CSNK2A2IP: variants seen among roughly 807,000 people sequenced by gnomAD.
CSNK2A2IP encodes casein kinase 2 subunit alpha' interacting protein.
At chr3:88,413,994 AT>A in the CSNK2A2IP span, among the ~76,000 whole-genome samples, 1 of 151,764 alleles carries the variant, frequency 6.6e-6, no homozygotes, top group Non-Finnish European at 1.5e-5. Context: ...AAATAAAGAT[AT>A]TAAAATATTT....
At chr3:88,389,461 A>T in the CSNK2A2IP span, among the ~76,000 whole-genome samples, 1 of 152,068 alleles carries the variant, frequency 6.6e-6, no homozygotes, top group Admixed American at 6.6e-5. Flanking sequence ...GAGGTTGGAG[A>T]CTTCAGGGGT....
the CSNK2A2IP span, among the ~76,000 whole-genome samples, chr3:88,372,772 T>C: frequency 1.3e-5 from 2 of 151,372 alleles, no homozygotes; most frequent in African/African-American, 4.8e-5. Context: ...TATAAGTATG[T>C]TGAAAGTAAA....
At chr3:88,381,463 C>A in the CSNK2A2IP span, among the ~76,000 whole-genome samples, 1 of 152,084 alleles carries the variant, frequency 6.6e-6, no homozygotes, top group African/African-American at 2.4e-5. Flanking sequence ...ATATAAGGTA[C>A]TAACTATTAC....
At chr3:88,357,597 A>AT in the CSNK2A2IP span, among the ~76,000 whole-genome samples, 3 of 152,182 alleles carry the variant, frequency 2.0e-5, no homozygotes, top group African/African-American at 7.2e-5. Flanking sequence ...TAGGATTATT[A>AT]TTTTTTGATT....
At chr3:88,464,596 A>C in the CSNK2A2IP span, among the ~76,000 whole-genome samples, 1 of 152,066 alleles carries the variant, frequency 6.6e-6, no homozygotes, top group Non-Finnish European at 1.5e-5. Flanking sequence ...GTGACAAATA[A>C]GAACTAAAAA....
the CSNK2A2IP span, among the ~76,000 whole-genome samples, chr3:88,371,924 CAAT>C: frequency 1.3e-5 from 2 of 151,674 alleles, no homozygotes; most frequent in South Asian, 2.1e-4. Context: ...TAAAGAACAA[CAAT>C]GACAAAAAGA....
chr3:88,351,504 A>T, the CSNK2A2IP span, among the ~76,000 whole-genome samples: 36 of 152,196 alleles, frequency 2.4e-4, no homozygotes, highest in Non-Finnish European at 8.8e-5. Context: ...ATCCCATCCC[A>T]CTATCTAGTG....
the CSNK2A2IP span, chr3:88,466,725 G>C: frequency 9.5e-7 from 1 of 1,051,058 alleles, no homozygotes; most frequent in Non-Finnish European, 1.2e-6. Flanking sequence ...TGTTTAGAAG[G>C]ATGAGGGGAA....
chr3:88,375,701 G>T, the CSNK2A2IP span, among the ~76,000 whole-genome samples: 26 of 151,860 alleles, frequency 1.7e-4, no homozygotes, highest in Non-Finnish European at 3.0e-4. Flanking sequence ...AAGCTTACAT[G>T]AACAAGAGAA....
chr3:88,445,537 T>C, the CSNK2A2IP span, among the ~76,000 whole-genome samples: 2 of 152,298 alleles, frequency 1.3e-5, no homozygotes. Flanking sequence ...ATTGATTTAA[T>C]GGCTTTGAAA....
the CSNK2A2IP span, among the ~76,000 whole-genome samples, chr3:88,377,384 C>T: frequency 6.6e-6 from 1 of 151,656 alleles, no homozygotes; most frequent in Non-Finnish European, 1.5e-5. Flanking sequence ...CCTGTTTATT[C>T]TAGCTCTGTT....
chr3:88,357,149 CT>C, the CSNK2A2IP span, among the ~76,000 whole-genome samples: 1 of 151,760 alleles, frequency 6.6e-6, no homozygotes, highest in African/African-American at 2.4e-5. Flanking sequence ...CTTTATTTGC[CT>C]GTGTTTTTGA....
chr3:88,430,622 T>C, the CSNK2A2IP span, among the ~76,000 whole-genome samples: 1 of 151,900 alleles, frequency 6.6e-6, no homozygotes, highest in African/African-American at 2.4e-5. Flanking sequence ...TTATAGAGTA[T>C]CCAATATCAG....
At chr3:88,399,932 A>G in the CSNK2A2IP span, 2 of 152,254 alleles carry the variant, frequency 1.3e-5, no homozygotes, top group African/African-American at 2.4e-5. Flanking sequence ...ACAATGCACA[A>G]TAGAATGAAT....
the CSNK2A2IP span, among the ~76,000 whole-genome samples, chr3:88,367,567 C>T: frequency 6.6e-6 from 1 of 152,082 alleles, no homozygotes; most frequent in South Asian, 2.1e-4. Context: ...ATATACACTT[C>T]CTTAACACTC....
chr3:88,359,198 G>A, the CSNK2A2IP span, among the ~76,000 whole-genome samples: 5 of 151,456 alleles, frequency 3.3e-5, no homozygotes, highest in South Asian at 6.3e-4. Context: ...AGTCTCTATT[G>A]CTCCTTTTAA....
the CSNK2A2IP span, among the ~76,000 whole-genome samples, chr3:88,414,950 T>A: frequency 6.6e-6 from 1 of 151,862 alleles, no homozygotes; most frequent in South Asian, 2.1e-4. Context: ...GCTCAAAGAT[T>A]TCTAACTGGT....
chr3:88,425,109 A>G, the CSNK2A2IP span, among the ~76,000 whole-genome samples: 286 of 152,174 alleles, frequency 1.9e-3, no homozygotes, highest in Middle Eastern at 0.014. Context: ...CTTCTAAATA[A>G]TCTTAACTAT....
the CSNK2A2IP span, among the ~76,000 whole-genome samples, chr3:88,346,652 C>A: frequency 6.6e-6 from 1 of 151,900 alleles, no homozygotes; most frequent in African/African-American, 2.4e-5. Context: ...AGAACTACAG[C>A]TCAGAAAAAA....
Sources: allele counts gnomAD v4.1 joint callset (sites outside exome capture counted in the v4.1 genomes callset), GRCh38; gene constraint gnomAD v4.1.1; transcripts MANE v1.5; gene names NCBI Gene and HGNC (gene_info 2026-07-23, HGNC 2026-07-21).